MYO1D: variants seen among roughly 807,000 people sequenced by gnomAD.
MYO1D encodes the protein unconventional myosin-Id.
MYO1D carries 83 observed loss-of-function variants against 122.0 expected under a neutral mutation model. The ratio of observed to expected loss-of-function variants is 0.68; its 90% CI spans 0.57 to 0.82. The LOEUF (loss-of-function observed/expected upper bound fraction) is 0.82, where lower values mean the gene tolerates loss of function less well. Among genes scored for constraint, MYO1D ranks in the 40% least tolerant of loss-of-function variants. The probability of loss-of-function intolerance (pLI) is 0.00; values close to 1 mark genes in which losing one functional copy is unlikely to be tolerated. For synonymous variants in MYO1D, 464 were observed against 446.9 expected, an observed-to-expected ratio of 1.04 and a Z score of -0.48; for missense variants, 1,157 against 1,269.5, an observed-to-expected ratio of 0.91 and a Z score of 1.35.
At chr17:32,637,645 T>C (rs1425825418) in intron 20 of MYO1D, among the ~76,000 whole-genome samples, 1 of 152,114 alleles carries the variant, frequency 6.6e-6, no homozygotes, top group East Asian at 1.9e-4. Flanking sequence ...CACTCCAGCC[T>C]GGGGGACAGA....
Position 32,502,410 on chromosome 17 carries a change from G to T in MYO1D, c.2865-7495C>A, listed in dbSNP as rs545773871. Among the ~76,000 whole-genome samples the T allele has an allele frequency of 9.1e-4, 139 of 152,312 alleles. 4 individuals carry two copies. The South Asian group carries it at 0.028, about 30-fold the overall frequency. ...GTGGCTGCCAAGGGCTGCGGGGAGTGGGGGCGTGGAGGGACTGCTTAGAGG... is the reference window on the plus strand; with the variant it reads ...GTGGCTGCCAAGGGCTGCGGGGAGTTGGGGCGTGGAGGGACTGCTTAGAGG... On this transcript the variant is annotated intron_variant, in intron 21 of 21. Transcript: ENST00000318217.
Position 32,659,171 on chromosome 17 carries a change from T to C in MYO1D, c.2289A>G (p.Pro763=). ...MRDYGKHVKW[P]SPPKVLRRFE... is the part of the protein sequence containing the mutation. ...AACGGCGAAGAACTTTAGGAGGGCT[T>C]GGCCACTTCACGTGCTTCCCGTAGT... The change falls in exon 17 of 22, where the codon CCA becomes CCG. Residue 763 remains proline (P), a synonymous_variant. Coordinates refer to ENST00000318217, the MANE Select transcript of MYO1D (RefSeq NM_015194.3). 1 of 1,614,164 alleles carries C rather than the reference T, an allele frequency of 6.2e-7. No individual in the cohort carries two copies. Among genetic ancestry groups the C allele is most frequent in the Non-Finnish European group, 8.5e-7 (1 of 1,180,028 alleles).
chr17:32,808,912 C>G (rs914628876), intron 1 of MYO1D, among the ~76,000 whole-genome samples: 4 of 152,110 alleles, frequency 2.6e-5, no homozygotes, highest in Admixed American at 1.3e-4. Flanking sequence ...GCCTGAAAGA[C>G]TAAGACATTG....
At chr17:32,662,952 C>T (rs2088589221) in intron 16 of MYO1D, among the ~76,000 whole-genome samples, 1 of 141,242 alleles carries the variant, frequency 7.1e-6, no homozygotes, top group Non-Finnish European at 1.5e-5. Context: ...GGGTCTCACT[C>T]TGTCACCCAG....
Position 32,689,647 on chromosome 17 carries a change from T to C in MYO1D, c.2121+22341A>G, listed in dbSNP as rs146629694. On this transcript the variant is annotated intron_variant, in intron 16 of 21. Transcript: ENST00000318217. ...GAATATCCTGTTTTGTAACATATAT[T>C]TTCACTTAACATTTATGAAGAACAC... Among the ~76,000 whole-genome samples the C allele has an allele frequency of 2.0e-4, 31 of 152,308 alleles. No individual in the cohort carries two copies. The East Asian group carries it at 4.4e-3, about 22-fold the overall frequency.
chr17:32,669,458 T>G (rs1238895129), intron 16 of MYO1D, among the ~76,000 whole-genome samples: 1 of 152,262 alleles, frequency 6.6e-6, no homozygotes, highest in Non-Finnish European at 1.5e-5. Flanking sequence ...TTGCCTTTCT[T>G]TAAAATGGTA....
intron 21 of MYO1D, among the ~76,000 whole-genome samples, chr17:32,534,775 CCT>C (rs1910612161): frequency 6.6e-6 from 1 of 152,128 alleles, no homozygotes; most frequent in South Asian, 2.1e-4. Flanking sequence ...GAAATCCCCC[CCT>C]TTTTCTCTTT....
chr17:32,778,615 AC>A, intron 2 of MYO1D, 42 bp from the exon 3 acceptor site: 1 of 1,500,960 alleles, frequency 6.7e-7, no homozygotes, highest in Non-Finnish European at 9.2e-7. Context: ...AATAATTTAA[AC>A]CAAGAGTAAG....
intron 21 of MYO1D, among the ~76,000 whole-genome samples, chr17:32,550,110 T>TA (rs1213156511): frequency 6.6e-6 from 1 of 151,950 alleles, no homozygotes; most frequent in Non-Finnish European, 1.5e-5. Flanking sequence ...ATTTTTTTTT[T>TA]TTTTTTTGAG....
chr17:32,799,421 T>TA (rs1299282346), intron 1 of MYO1D, among the ~76,000 whole-genome samples: 2 of 152,236 alleles, frequency 1.3e-5, no homozygotes, highest in East Asian at 1.9e-4. Flanking sequence ...TTAATTGTTC[T>TA]AAAAAAATAG....
chr17:32,498,883 G>A (rs965212836), intron 21 of MYO1D: 5 of 152,198 alleles, frequency 3.3e-5, no homozygotes, highest in Non-Finnish European at 5.9e-5. Context: ...CCTGTGGGGA[G>A]GGGCTTGGAT....
intron 21 of MYO1D, among the ~76,000 whole-genome samples, chr17:32,543,793 A>C (rs1394102035): frequency 6.6e-6 from 1 of 151,518 alleles, no homozygotes; most frequent in Non-Finnish European, 1.5e-5. Flanking sequence ...GCAATACTTA[A>C]ATCTTGCTTT....
intron 1 of MYO1D, among the ~76,000 whole-genome samples, chr17:32,793,714 T>C (rs961706369): frequency 1.8e-4 from 27 of 152,156 alleles, no homozygotes; most frequent in African/African-American, 6.5e-4. Flanking sequence ...CCCAGGCCCA[T>C]CGATAGCAGA....
intron 21 of MYO1D, among the ~76,000 whole-genome samples, chr17:32,541,632 C>A (rs970281611): frequency 1.3e-5 from 2 of 152,158 alleles, no homozygotes; most frequent in Non-Finnish European, 2.9e-5. Context: ...TATCTAGAAT[C>A]AGAGAGTGGT....
chr17:32,602,152 ATCT>A (rs1349853908), intron 21 of MYO1D, among the ~76,000 whole-genome samples: 1 of 152,208 alleles, frequency 6.6e-6, no homozygotes, highest in Non-Finnish European at 1.5e-5. Flanking sequence ...TTTTTCTTAC[ATCT>A]TCCTTATCTC....
intron 21 of MYO1D, among the ~76,000 whole-genome samples, chr17:32,600,270 A>G (rs2087547484): frequency 6.6e-6 from 1 of 152,178 alleles, no homozygotes; most frequent in South Asian, 2.1e-4. Flanking sequence ...TGTAATTTTA[A>G]GGGCCCTGGG....
chr17:32,708,683 A>T (rs1374936961), intron 16 of MYO1D, among the ~76,000 whole-genome samples: 2 of 152,162 alleles, frequency 1.3e-5, no homozygotes, highest in Non-Finnish European at 2.9e-5. Flanking sequence ...CGCACATAAG[A>T]TACCCTGGAA....
At chr17:32,719,928 A>T (rs1422886784) in intron 15 of MYO1D, among the ~76,000 whole-genome samples, 1 of 152,052 alleles carries the variant, frequency 6.6e-6, no homozygotes, top group Non-Finnish European at 1.5e-5. Context: ...TTACTACCAC[A>T]ATAGAGCCTT....
intron 21 of MYO1D, among the ~76,000 whole-genome samples, chr17:32,587,134 G>C (rs1197912068): frequency 6.6e-6 from 1 of 152,068 alleles, no homozygotes; most frequent in Admixed American, 6.6e-5. Context: ...GACTCTGTTG[G>C]ATGCAAGTTA....
Sources: allele counts gnomAD v4.1 joint callset (sites outside exome capture counted in the v4.1 genomes callset), GRCh38; gene constraint gnomAD v4.1.1; transcripts MANE v1.5; gene names NCBI Gene and HGNC (gene_info 2026-07-23, HGNC 2026-07-21).